Variants in COBL observed in about 807,000 individuals in gnomAD.
COBL encodes the protein protein cordon-bleu.
Under a neutral mutation model 98.8 loss-of-function variants are expected in COBL, and 51 were observed. The ratio of observed to expected loss-of-function variants is 0.52; its 90% CI spans 0.41 to 0.65. COBL has a LOEUF of 0.65. COBL is among the 30% of genes least tolerant of loss of function. The pLI is 0.00. For synonymous variants in COBL, 634 were observed against 651.7 expected, an observed-to-expected ratio of 0.97 and a Z score of 0.41; for missense variants, 1,617 against 1,617.5, an observed-to-expected ratio of 1.00 and a Z score of 0.01.
intron 5 of COBL, among the ~76,000 whole-genome samples, chr7:51,181,436 A>G (rs1268763809): frequency 6.6e-6 from 1 of 152,230 alleles, no homozygotes; most frequent in Non-Finnish European, 1.5e-5. Context: ...ACTGGATGCC[A>G]TAACTCATCT....
rs552794712 is a variant in COBL at position 51,244,561 on chromosome 7, G to C, written c.42-24617C>G. ...TACTTCCTCCCTTTCACACCAAACC[G>C]ATAGGGTCTCATGGGGCCCAGCCTC... On this transcript the variant is annotated intron_variant, in intron 1 of 12. Transcript: ENST00000265136. Among the ~76,000 whole-genome samples, 40 of 152,162 alleles carry C rather than the reference G, an allele frequency of 2.6e-4. 1 individual carries two copies. The South Asian group carries it at 7.9e-3, about 30-fold the overall frequency.
intron 6 of COBL, among the ~76,000 whole-genome samples, chr7:51,126,201 G>A (rs554281831): frequency 2.6e-5 from 4 of 152,240 alleles, no homozygotes; most frequent in East Asian, 3.9e-4. Context: ...GGTAGCATGC[G>A]CCTGCAATCC....
intron 1 of COBL, among the ~76,000 whole-genome samples, chr7:51,223,983 T>C (rs1224793153): frequency 6.6e-6 from 1 of 152,202 alleles, no homozygotes; most frequent in Non-Finnish European, 1.5e-5. Flanking sequence ...ATAAAGGTAG[T>C]CCCCTAAGAC....
intron 5 of COBL, among the ~76,000 whole-genome samples, chr7:51,155,718 G>A (rs955866102): frequency 2.0e-5 from 3 of 151,930 alleles, no homozygotes; most frequent in African/African-American, 7.3e-5. Context: ...ACACCTATGG[G>A]GTAGTGTGTG....
At chr7:51,026,417 C>T in intron 11 of COBL, 129 bp downstream of exon 11, 2 of 1,302,468 alleles carry the variant, frequency 1.5e-6, no homozygotes, top group South Asian at 2.9e-5. Flanking sequence ...GGGATGGCCA[C>T]TCTAAAGACA....
At chr7:51,130,106 G>T (rs1201633565) in intron 6 of COBL, among the ~76,000 whole-genome samples, 1 of 152,188 alleles carries the variant, frequency 6.6e-6, no homozygotes, top group Non-Finnish European at 1.5e-5. Flanking sequence ...ATGTGTACAA[G>T]AAGAGACACC....
chr7:51,029,927 T>C (rs537020830), intron 9 of COBL, among the ~76,000 whole-genome samples: 29 of 152,342 alleles, frequency 1.9e-4, no homozygotes, highest in African/African-American at 7.0e-4. Flanking sequence ...GTTTTGGGTT[T>C]TGACCTCCAT....
At chr7:51,047,416 G>T (rs1386601656) in intron 7 of COBL, among the ~76,000 whole-genome samples, 1 of 152,068 alleles carries the variant, frequency 6.6e-6, no homozygotes, top group Non-Finnish European at 1.5e-5. Context: ...GCTAACTTAG[G>T]GCTACTAGTT....
intron 6 of COBL, among the ~76,000 whole-genome samples, chr7:51,099,091 C>CAAAAAAAAAAAAAAAAAA (rs542571317): frequency 1.0e-5 from 1 of 95,518 alleles, no homozygotes; most frequent in Non-Finnish European, 2.2e-5. Context: ...TGGCCACTAT[C>CAAAAAAAAAAAAAAAAAA]AAAAAAAAAA....
intron 1 of COBL, among the ~76,000 whole-genome samples, chr7:51,254,145 C>T (rs1020452138): frequency 2.0e-5 from 3 of 151,398 alleles, no homozygotes; most frequent in Admixed American, 2.0e-4. Flanking sequence ...AAGATATATA[C>T]CATAAACAAT....
chr7:51,283,613 T>C (rs996026536), intron 1 of COBL, among the ~76,000 whole-genome samples: 9 of 152,088 alleles, frequency 5.9e-5, no homozygotes, highest in East Asian at 1.9e-4. Context: ...GCCTCCTGAG[T>C]AGCTGGGATT....
chr7:51,217,934 G>T (rs1456465634), intron 2 of COBL, among the ~76,000 whole-genome samples: 2 of 152,152 alleles, frequency 1.3e-5, no homozygotes, highest in Non-Finnish European at 2.9e-5. Flanking sequence ...AGTGGCTTCC[G>T]GTGGACCAGG....
intron 7 of COBL, among the ~76,000 whole-genome samples, chr7:51,049,619 A>T (rs933971511): frequency 1.3e-5 from 2 of 152,228 alleles, no homozygotes; most frequent in African/African-American, 2.4e-5. Context: ...GGGGTCACTC[A>T]TTCTAATTAG....
At chr7:51,176,826 T>C (rs1788422835) in intron 5 of COBL, among the ~76,000 whole-genome samples, 1 of 152,212 alleles carries the variant, frequency 6.6e-6, no homozygotes, top group South Asian at 2.1e-4. Context: ...TATGTATACA[T>C]GTGTACACGT....
At chr7:51,107,500 A>G (rs1177337363) in intron 6 of COBL, among the ~76,000 whole-genome samples, 1 of 152,230 alleles carries the variant, frequency 6.6e-6, no homozygotes, top group African/African-American at 2.4e-5. Context: ...CCACTTCAGT[A>G]AATATCAATA....
chr7:51,133,418 G>A (rs1481977978), intron 6 of COBL, among the ~76,000 whole-genome samples: 1 of 152,190 alleles, frequency 6.6e-6, no homozygotes, highest in Non-Finnish European at 1.5e-5. Context: ...TCAAAATTCA[G>A]AGCCAGCAGC....
Position 51,027,866 on chromosome 7 carries a change from C to T in COBL, c.3230G>A (p.Gly1077Glu), listed in dbSNP as rs760603392. The T allele has an allele frequency of 8.7e-6, 14 of 1,614,124 alleles. No homozygotes were observed. Among genetic ancestry groups the T allele is most frequent in the Non-Finnish European group, 1.2e-5 (14 of 1,180,052 alleles). ...EEKPSVFSTD[G>E]NETDSIWPPS... The stretch of plus-strand genomic sequence containing the variant: ...TGGCCAAATACTGTCTGTTTCATTT[C>T]CATCTGTAGAGAACACACTGGGCTT... Residue 1077 changes from glycine (G) to glutamate (E), a missense_variant, in exon 10 of 13, where the codon GGA becomes GAA. Gly to Glu is a moderately conservative substitution (Grantham distance 98, BLOSUM62 -2). Around this residue, in one of 3 missense-constraint regions of COBL, gnomAD observed 1,304 missense variants for 1,282.0 expected, o/e 1.02. Transcript: ENST00000265136.
At chr7:51,104,554 TTAAG>T (rs1211096746) in intron 6 of COBL, among the ~76,000 whole-genome samples, 8 of 152,136 alleles carry the variant, frequency 5.3e-5, no homozygotes, top group Admixed American at 1.3e-4. Flanking sequence ...ACTGTTAGGA[TTAAG>T]TAAGTAATAA....
intron 1 of COBL, among the ~76,000 whole-genome samples, chr7:51,266,740 C>T (rs975666393): frequency 2.0e-5 from 3 of 152,154 alleles, no homozygotes; most frequent in African/African-American, 7.2e-5. Flanking sequence ...GACTCTACGA[C>T]ACAAGCACCC....
Sources: allele counts gnomAD v4.1 joint callset (sites outside exome capture counted in the v4.1 genomes callset), GRCh38; gene constraint gnomAD v4.1.1; regional missense constraint gnomAD v4.1.1; transcripts MANE v1.5; gene names NCBI Gene and HGNC (gene_info 2026-07-23, HGNC 2026-07-21).